LIMCH1: variants seen among roughly 807,000 people sequenced by gnomAD.
LIMCH1 encodes the protein LIM and calponin homology domains 1.
A neutral mutation model predicts 176.5 loss-of-function variants in LIMCH1; 113 were observed. That is an observed-to-expected ratio of 0.64 (90% CI 0.55 to 0.75). The LOEUF is 0.75. Ranked by LOEUF, LIMCH1 falls within the 30% of genes least tolerant of loss-of-function variation. The pLI is 0.00. For missense variants in LIMCH1, 1,674 were observed against 1,814.9 expected, an observed-to-expected ratio of 0.92 and a Z score of 1.41; for synonymous variants, 619 against 645.9, an observed-to-expected ratio of 0.96 and a Z score of 0.63.
chr4:41,576,211 A>G (rs2084435935), intron 1 of LIMCH1, among the ~76,000 whole-genome samples: 1 of 152,172 alleles, frequency 6.6e-6, no homozygotes, highest in Non-Finnish European at 1.5e-5. Flanking sequence ...AATTATTTCC[A>G]GTCTTGTGTT....
intron 1 of LIMCH1, among the ~76,000 whole-genome samples, chr4:41,362,875 A>C (rs892618695): frequency 6.6e-6 from 1 of 152,166 alleles, no homozygotes; most frequent in South Asian, 2.1e-4. Context: ...GTAGAACCTC[A>C]TTAAGCCCTA....
intron 1 of LIMCH1, among the ~76,000 whole-genome samples, chr4:41,479,214 G>A (rs1407754389): frequency 1.3e-5 from 2 of 152,088 alleles, no homozygotes; most frequent in East Asian, 3.9e-4. Flanking sequence ...CATCTCCAAA[G>A]TGCAAGACCA....
At chr4:41,684,075 A>ATGCCT (rs1718556938) in intron 26 of LIMCH1, among the ~76,000 whole-genome samples, 1 of 152,184 alleles carries the variant, frequency 6.6e-6, no homozygotes, top group Middle Eastern at 3.2e-3. Flanking sequence ...CAAAGGTTCC[A>ATGCCT]TGTGGCTAAA....
chr4:41,592,867 A>G (rs1007181537), intron 1 of LIMCH1, among the ~76,000 whole-genome samples: 5 of 152,178 alleles, frequency 3.3e-5, no homozygotes, highest in Non-Finnish European at 7.3e-5. Flanking sequence ...CTATTTTCTA[A>G]TTTGATGTCA....
In LIMCH1 at chr4:41,603,893, G is replaced by A. The variant is rs1204632427; in HGVS notation, c.-115G>A. The A allele has an allele frequency of 1.2e-6, 2 of 1,607,768 alleles. No homozygotes were observed. The highest frequency in any genetic ancestry group is 1.7e-5 in the Admixed American group (1 of 59,964). ...TGACTAGGAGCCTTGATTATAGTAG[G>A]AAGCTGAAAAATGTAAGTGTTTTAA... On this transcript the variant is annotated 5_prime_UTR_variant, in exon 3 of 32. Transcript: ENST00000503057.
At chr4:41,565,356 C>CAT (rs900980055) in intron 1 of LIMCH1, among the ~76,000 whole-genome samples, 3 of 146,292 alleles carry the variant, frequency 2.1e-5, no homozygotes, top group African/African-American at 8.1e-5. Context: ...TACACACACA[C>CAT]ACACACACAC....
intron 3 of LIMCH1, among the ~76,000 whole-genome samples, chr4:41,528,583 T>C (rs1189215296): frequency 2.6e-5 from 4 of 151,982 alleles, no homozygotes; most frequent in South Asian, 2.1e-4. Context: ...ATCAGGTTGG[T>C]TTTTTCACTT....
chr4:41,515,946 G>A (rs143820127), intron 2 of LIMCH1, among the ~76,000 whole-genome samples: 2 of 152,206 alleles, frequency 1.3e-5, no homozygotes, highest in Non-Finnish European at 2.9e-5. Context: ...GCAATAACTG[G>A]GTTTTAGCTG....
chr4:41,390,974 G>T (rs1329972576), intron 1 of LIMCH1, among the ~76,000 whole-genome samples: 2 of 151,974 alleles, frequency 1.3e-5, no homozygotes, highest in African/African-American at 4.8e-5. Flanking sequence ...TACCAATTAG[G>T]GATTCTCTTA....
intron 1 of LIMCH1, among the ~76,000 whole-genome samples, chr4:41,547,395 A>G (rs2079605615): frequency 6.6e-6 from 1 of 151,918 alleles, no homozygotes; most frequent in South Asian, 2.1e-4. Flanking sequence ...TCCAAGTATA[A>G]GTGAGATCAT....
intron 14 of LIMCH1, among the ~76,000 whole-genome samples, chr4:41,644,153 A>G (rs2093949301): frequency 6.6e-6 from 1 of 152,202 alleles, no homozygotes; most frequent in Non-Finnish European, 1.5e-5. Context: ...TTTTAAATGC[A>G]TTTCCAAGTG....
chr4:41,642,518 G>A (rs1017716549), intron 14 of LIMCH1, among the ~76,000 whole-genome samples: 7 of 151,604 alleles, frequency 4.6e-5, no homozygotes, highest in African/African-American at 1.7e-4. Context: ...CTCCTCTATC[G>A]AGGACTACAG....
intron 15 of LIMCH1, among the ~76,000 whole-genome samples, chr4:41,645,772 A>G (rs1585263694): frequency 1.3e-5 from 2 of 152,256 alleles, no homozygotes; most frequent in African/African-American, 4.8e-5. Context: ...TCTGTTCACA[A>G]TGCAGAGGTT....
intron 1 of LIMCH1, among the ~76,000 whole-genome samples, chr4:41,433,768 C>G (rs2061812720): frequency 6.6e-6 from 1 of 151,766 alleles, no homozygotes; most frequent in Non-Finnish European, 1.5e-5. Flanking sequence ...TCCACCATAT[C>G]CTGTTGGTCA....
At chr4:41,533,892 G>C (rs2077588222), upstream of LIMCH1, among the ~76,000 whole-genome samples, 2 of 152,170 alleles carry the variant, frequency 1.3e-5, no homozygotes, top group Admixed American at 1.3e-4. Flanking sequence ...TCTGGAAGTG[G>C]CTATCATTTG....
chr4:41,666,075 C>T (rs1212025730), intron 20 of LIMCH1, among the ~76,000 whole-genome samples: 1 of 152,120 alleles, frequency 6.6e-6, no homozygotes, highest in Admixed American at 6.5e-5. Context: ...ATGTGCTTTG[C>T]ATAAATTTGT....
chr4:41,489,789 G>A (rs916158780), intron 1 of LIMCH1, among the ~76,000 whole-genome samples: 1 of 151,806 alleles, frequency 6.6e-6, no homozygotes, highest in South Asian at 2.1e-4. Context: ...ACAATGCAAG[G>A]TTCAGAGCAT....
chr4:41,623,575 T>C (rs1369957338), intron 7 of LIMCH1, among the ~76,000 whole-genome samples: 2 of 152,106 alleles, frequency 1.3e-5, no homozygotes, highest in South Asian at 2.1e-4. Context: ...CTGGCCAACA[T>C]AGTGAAACCC....
chr4:41,648,658 G>GTTGTGTGTGTGT (rs2094159093), intron 17 of LIMCH1, among the ~76,000 whole-genome samples: 1 of 135,334 alleles, frequency 7.4e-6, no homozygotes, highest in African/African-American at 2.8e-5. Flanking sequence ...AAGGGGTAGG[G>GTTGTGTGTGTGT]GTGTGTGTGT....
Sources: gnomAD v4.1 joint callset for allele counts (sites outside exome capture counted in the v4.1 genomes callset) on GRCh38, gnomAD v4.1.1 for gene constraint, MANE v1.5 for transcripts, NCBI Gene and HGNC (gene_info 2026-07-23, HGNC 2026-07-21) for gene names.